Variants in CELF2 observed in about 807,000 individuals in gnomAD.
CELF2 encodes the protein CUG triplet repeat RNA-binding protein 2.
Under a neutral mutation model 62.6 loss-of-function variants are expected in CELF2, and 8 were observed. The observed-to-expected ratio is 0.13, with a 90% confidence interval of 0.07 to 0.23. The LOEUF is 0.23. CELF2 is among the 10% of genes least tolerant of loss of function. The pLI is 1.00. For missense variants in CELF2, 333 were observed against 671.0 expected, an observed-to-expected ratio of 0.50 and a Z score of 5.56; for synonymous variants, 258 against 250.0, an observed-to-expected ratio of 1.03 and a Z score of -0.30.
intron 1 of CELF2, among the ~76,000 whole-genome samples, chr10:11,035,866 CT>C (rs2060863820): frequency 6.6e-6 from 1 of 152,250 alleles, no homozygotes; most frequent in South Asian, 2.1e-4. Context: ...AGGCTAAAGA[CT>C]GCTGATAACA....
the CELF2 span, among the ~76,000 whole-genome samples, chr10:10,696,435 A>G: frequency 6.6e-6 from 1 of 151,808 alleles, no homozygotes; most frequent in Non-Finnish European, 1.5e-5. Context: ...TTAAGTCTGC[A>G]GAGGTTACTG....
At chr10:11,136,335 G>A (rs1407453810) in intron 1 of CELF2, among the ~76,000 whole-genome samples, 1 of 152,212 alleles carries the variant, frequency 6.6e-6, no homozygotes, top group Non-Finnish European at 1.5e-5. Flanking sequence ...GGGCCCGGTG[G>A]CTCACACCTG....
the CELF2 span, among the ~76,000 whole-genome samples, chr10:10,616,370 T>C: frequency 6.7e-6 from 1 of 148,732 alleles, no homozygotes. Flanking sequence ...CAGAACCTAT[T>C]GGTTGGAGGA....
At chr10:10,520,798 C>T in the CELF2 span, among the ~76,000 whole-genome samples, 1 of 152,068 alleles carries the variant, frequency 6.6e-6, no homozygotes, top group African/African-American at 2.4e-5. Flanking sequence ...AAGGCTTGAG[C>T]TTTTAATACC....
intron 1 of CELF2, among the ~76,000 whole-genome samples, chr10:10,838,440 C>G (rs1223669430): frequency 6.6e-6 from 1 of 152,190 alleles, no homozygotes; most frequent in African/African-American, 2.4e-5. Context: ...GCAGCCCACA[C>G]TTAAGGAGTG....
At chr10:11,233,471 G>A (rs2069689055) in intron 3 of CELF2, among the ~76,000 whole-genome samples, 1 of 152,216 alleles carries the variant, frequency 6.6e-6, no homozygotes, top group African/African-American at 2.4e-5. Flanking sequence ...ACAGGCTGCT[G>A]CCAGCCAAAT....
chr10:10,893,086 T>C (rs1255614447), intron 1 of CELF2, among the ~76,000 whole-genome samples: 1 of 152,230 alleles, frequency 6.6e-6, no homozygotes, highest in African/African-American at 2.4e-5. Flanking sequence ...TCTAACACTT[T>C]GCTTTGAAGC....
At position 10,959,665 on chromosome 10, in the gene CELF2, A is replaced by G. The variant is rs572301058; in HGVS notation, c.89+39666A>G. 5.9e-5 allele frequency among the ~76,000 whole-genome samples: 9 copies of G among 152,280 alleles called. No homozygotes were observed. The South Asian group carries it at 1.9e-3, about 32-fold the overall frequency. ...AAAGCATGGAATATGCTTTCAGAAAATGCATATTCTATTTTTCCTCCTTGC... is the reference window on the plus strand; with the variant it reads ...AAAGCATGGAATATGCTTTCAGAAAGTGCATATTCTATTTTTCCTCCTTGC... On this transcript the variant is annotated intron_variant, in intron 2 of 13. Transcript: ENST00000636488.
chr10:11,333,655 T>TAATC lies in CELF2; in HGVS notation c.*4604_*4607dup, dbSNP rs1438182617. 1 of 152,660 alleles carries TAATC rather than the reference T, an allele frequency of 6.6e-6. No homozygotes were observed. The highest frequency in any genetic ancestry group is 1.5e-5 in the Non-Finnish European group (1 of 68,044). 9.5% of individuals were successfully genotyped at this position (152,660 alleles called of 1,614,324 possible). ...GTGAGAATTGATGTTTGTAGATTAATAATCATTTTGTTTAGAATTACAAAA... is the reference window on the plus strand; with the variant it reads ...GTGAGAATTGATGTTTGTAGATTAATAATCAATCATTTTGTTTAGAATTACAAAA... On this transcript the variant is annotated 3_prime_UTR_variant, in exon 13 of 13. Transcript: ENST00000633077.
At chr10:10,922,966 G>A (rs1214313529) in intron 2 of CELF2, 1 of 152,112 alleles carries the variant, frequency 6.6e-6, no homozygotes, top group African/African-American at 2.4e-5. Context: ...TCCTCCCCTT[G>A]TGTCCAGCTT....
intron 1 of CELF2, among the ~76,000 whole-genome samples, chr10:10,814,890 C>T (rs1296086946): frequency 2.6e-5 from 4 of 152,278 alleles, no homozygotes; most frequent in Admixed American, 2.0e-4. Context: ...CCATAGGTTC[C>T]GTCTAGAGCA....
chr10:10,663,179 G>A, the CELF2 span, among the ~76,000 whole-genome samples: 4 of 152,220 alleles, frequency 2.6e-5, no homozygotes, highest in Non-Finnish European at 5.9e-5. Flanking sequence ...AGCAGCTGCT[G>A]TGTACACTCA....
intron 2 of CELF2, chr10:10,946,742 A>G (rs2047726090): frequency 6.6e-6 from 1 of 152,174 alleles, no homozygotes; most frequent in Non-Finnish European, 1.5e-5. Context: ...TATTGACTCC[A>G]TTTAGAGATG....
chr10:11,049,438 G>A (rs893075454), intron 1 of CELF2, among the ~76,000 whole-genome samples: 1 of 146,696 alleles, frequency 6.8e-6, no homozygotes, highest in Non-Finnish European at 1.5e-5. Flanking sequence ...ATTTTATGTC[G>A]AAAATAGATG....
intron 1 of CELF2, among the ~76,000 whole-genome samples, chr10:10,835,616 C>T (rs1236230893): frequency 6.6e-6 from 1 of 152,142 alleles, no homozygotes; most frequent in East Asian, 1.9e-4. Context: ...CTCCTGACCT[C>T]AGGTGATCCA....
At chr10:10,673,057 C>T in the CELF2 span, among the ~76,000 whole-genome samples, 2 of 151,926 alleles carry the variant, frequency 1.3e-5, no homozygotes, top group African/African-American at 4.8e-5. Flanking sequence ...GGCACTAATG[C>T]AAATGGTATT....
intron 1 of CELF2, among the ~76,000 whole-genome samples, chr10:11,061,731 G>A (rs1291839): frequency 2.0e-5 from 3 of 151,984 alleles, no homozygotes; most frequent in Admixed American, 1.3e-4. Context: ...TTTACTAAAC[G>A]TACTCTTCCA....
chr10:10,800,864 A>G (rs1163845031), intron 1 of CELF2, among the ~76,000 whole-genome samples: 2 of 151,256 alleles, frequency 1.3e-5, no homozygotes, highest in Non-Finnish European at 3.0e-5. Context: ...CTTTTTTTTT[A>G]AACTGGATTA....
intron 1 of CELF2, among the ~76,000 whole-genome samples, chr10:11,087,755 G>A (rs1196345949): frequency 1.3e-5 from 2 of 152,190 alleles, no homozygotes; most frequent in East Asian, 3.8e-4. Context: ...GATAGTGCTA[G>A]CAAATGTCCT....
Sources: allele counts gnomAD v4.1 joint callset (sites outside exome capture counted in the v4.1 genomes callset), GRCh38; gene constraint gnomAD v4.1.1; transcripts MANE v1.5; gene names NCBI Gene and HGNC (gene_info 2026-07-23, HGNC 2026-07-21).